SYT1: variants seen among roughly 807,000 people sequenced by gnomAD.
The protein encoded by SYT1 is synaptotagmin-1.
SYT1 carries 8 observed loss-of-function variants against 44.8 expected under a neutral mutation model. That is an observed-to-expected ratio of 0.18 (90% CI 0.10 to 0.32). The LOEUF is 0.32. SYT1 is among the 10% of genes least tolerant of loss of function. The pLI is 1.00. For missense variants in SYT1, 286 were observed against 509.3 expected (o/e 0.56, Z 4.22); for synonymous variants, 154 against 188.8 (o/e 0.82, Z 1.51).
intron 3 of SYT1, among the ~76,000 whole-genome samples, chr12:79,143,203 A>G (rs1248800270): frequency 1.3e-5 from 2 of 152,174 alleles, no homozygotes; most frequent in African/African-American, 4.8e-5. Flanking sequence ...CATAGGAACA[A>G]TGGTACTAGT....
At chr12:79,397,419 G>A (rs574535105) in intron 9 of SYT1, among the ~76,000 whole-genome samples, 10 of 152,196 alleles carry the variant, frequency 6.6e-5, no homozygotes, top group South Asian at 6.2e-4. Flanking sequence ...GTAGAGAGGG[G>A]AGTCTCCCTA....
intron 3 of SYT1, among the ~76,000 whole-genome samples, chr12:79,079,993 A>G (rs1037220229): frequency 6.6e-6 from 1 of 152,098 alleles, no homozygotes; most frequent in East Asian, 1.9e-4. Context: ...TCTTAATTCA[A>G]TCTTAATTAA....
At chr12:78,929,408 C>A (rs7306619) in intron 1 of SYT1, among the ~76,000 whole-genome samples, 69,803 of 71,892 alleles carry the variant, frequency 0.97, 33,898 homozygotes, top group Middle Eastern at 0.99. Context: ...AGACTCCGTC[C>A]CAAAAAAAAA....
chr12:79,392,142 C>A (rs1007237538), intron 9 of SYT1: 1 of 152,106 alleles, frequency 6.6e-6, no homozygotes, highest in Admixed American at 6.5e-5. Flanking sequence ...ATCTTAATGA[C>A]CACCACATTT....
At chr12:79,247,200 T>C (rs1329826135) in intron 4 of SYT1, among the ~76,000 whole-genome samples, 2 of 152,178 alleles carry the variant, frequency 1.3e-5, no homozygotes, top group African/African-American at 4.8e-5. Flanking sequence ...ATTAAAATTT[T>C]AGGGAGGGTA....
intron 9 of SYT1, among the ~76,000 whole-genome samples, chr12:79,375,415 G>A (rs141437599): frequency 8.5e-5 from 13 of 152,320 alleles, no homozygotes; most frequent in African/African-American, 2.9e-4. Context: ...TGAAGTTAGA[G>A]AGGCAGAGCC....
intron 1 of SYT1, among the ~76,000 whole-genome samples, chr12:78,904,631 T>C (rs1875858127): frequency 6.6e-6 from 1 of 152,144 alleles, no homozygotes; most frequent in African/African-American, 2.4e-5. Context: ...GATAATGTTA[T>C]TTGACATTTG....
rs986280079 is a variant in SYT1 at position 79,101,977 on chromosome 12, T to C, written c.-18+54615T>C. Among the ~76,000 whole-genome samples the C allele has an allele frequency of 3.9e-5, 6 of 152,140 alleles. No individual in the cohort carries two copies. In the East Asian group the frequency reaches 5.8e-4, roughly 15 times the overall value. ...ATTAAATAGTATTTTTCATTTGTTA[T>C]TGCGTTCAAGACAGATCACATTCTC... On this transcript the variant is annotated intron_variant, in intron 3 of 10. Coordinates refer to ENST00000261205, the MANE Select transcript of SYT1 (RefSeq NM_005639.3).
At chr12:78,927,321 T>C (rs923589414) in intron 1 of SYT1, among the ~76,000 whole-genome samples, 127 of 152,150 alleles carry the variant, frequency 8.3e-4, no homozygotes, top group African/African-American at 2.8e-3. Flanking sequence ...AACCACACAT[T>C]GAACCCCAGA....
intron 1 of SYT1, among the ~76,000 whole-genome samples, chr12:78,938,349 A>G (rs946349270): frequency 1.3e-5 from 2 of 152,194 alleles, no homozygotes; most frequent in African/African-American, 4.8e-5. Flanking sequence ...TGAGTTTAAT[A>G]GGATAAAGCT....
At chr12:78,897,947 G>A (rs1232386760) in intron 1 of SYT1, among the ~76,000 whole-genome samples, 4 of 151,948 alleles carry the variant, frequency 2.6e-5, no homozygotes, top group African/African-American at 4.8e-5. Flanking sequence ...CTTGGGTTTA[G>A]GCAGCCTTCC....
intron 9 of SYT1, among the ~76,000 whole-genome samples, chr12:79,373,496 G>A (rs1346423510): frequency 6.6e-6 from 1 of 152,054 alleles, no homozygotes; most frequent in Non-Finnish European, 1.5e-5. Context: ...TAATAAATAT[G>A]CCTCACTTTT....
At chr12:79,144,858 C>T (rs1368848625) in intron 3 of SYT1, among the ~76,000 whole-genome samples, 1 of 152,188 alleles carries the variant, frequency 6.6e-6, no homozygotes, top group East Asian at 1.9e-4. Flanking sequence ...TAGCTATAGC[C>T]TGAAGGCACT....
intron 3 of SYT1, among the ~76,000 whole-genome samples, chr12:79,196,224 G>A (rs1361629061): frequency 1.3e-5 from 2 of 152,006 alleles, no homozygotes; most frequent in South Asian, 2.1e-4. Context: ...CTGGAGTGCA[G>A]TGTCACGATC....
chr12:78,998,237 GAGATATTTTAC>G (rs1870506025), intron 2 of SYT1, among the ~76,000 whole-genome samples: 1 of 152,172 alleles, frequency 6.6e-6, no homozygotes, highest in Non-Finnish European at 1.5e-5. Context: ...ACCAAGCATG[GAGATATTTTAC>G]AGATACCAAC....
At chr12:78,932,063 G>A (rs933154626) in intron 1 of SYT1, among the ~76,000 whole-genome samples, 4 of 152,212 alleles carry the variant, frequency 2.6e-5, no homozygotes, top group African/African-American at 7.2e-5. Flanking sequence ...CTGCCACAAG[G>A]TGTGTTTCCT....
chr12:79,351,313 A>G (rs920504348), intron 8 of SYT1, among the ~76,000 whole-genome samples: 1 of 152,218 alleles, frequency 6.6e-6, no homozygotes, highest in Non-Finnish European at 1.5e-5. Flanking sequence ...AGATTGAGGA[A>G]TAAAAGGTAT....
chr12:79,042,888 G>A (rs2137736888), intron 2 of SYT1, among the ~76,000 whole-genome samples: 1 of 151,888 alleles, frequency 6.6e-6, no homozygotes, highest in East Asian at 1.9e-4. Context: ...TATGTACCCA[G>A]TAGTCACTCA....
intron 8 of SYT1, among the ~76,000 whole-genome samples, chr12:79,348,081 G>A (rs545303406): frequency 6.6e-5 from 10 of 152,260 alleles, no homozygotes; most frequent in South Asian, 4.1e-4. Context: ...GGTAGGATAC[G>A]AAGGGGGCAG....
Sources: gnomAD v4.1 joint callset for allele counts (sites outside exome capture counted in the v4.1 genomes callset) on GRCh38, gnomAD v4.1.1 for gene constraint, MANE v1.5 for transcripts, NCBI Gene and HGNC (gene_info 2026-07-23, HGNC 2026-07-21) for gene names.